IL15RA: variants seen among roughly 807,000 people sequenced by gnomAD.
IL15RA encodes the protein interleukin 15 receptor subunit alpha, also known as interleukin-15 receptor subunit alpha.
Under a neutral mutation model 24.2 loss-of-function variants are expected in IL15RA, and 26 were observed. The ratio of observed to expected loss-of-function variants is 1.07; its 90% confidence interval spans 0.79 to 1.49. The LOEUF (loss-of-function observed/expected upper bound fraction) is 1.49, where lower values mean the gene tolerates loss of function less well. Ranked by LOEUF, IL15RA falls within the 40% of genes most tolerant of loss-of-function variation. IL15RA has a pLI of 0.00. For missense variants in IL15RA, 354 were observed against 356.4 expected, an observed-to-expected ratio of 0.99 and a Z score of 0.05; for synonymous variants, 166 against 157.6, an observed-to-expected ratio of 1.05 and a Z score of -0.40.
rs1837534443 is a variant in IL15RA at position 5,971,089 on chromosome 10, T to C, written c.89-4750A>G. Among the ~76,000 whole-genome samples the C allele has an allele frequency of 6.6e-6, 1 of 152,234 alleles. No individual in the cohort carries two copies. The highest frequency in any genetic ancestry group is 2.4e-5 in the African/African-American group (1 of 41,462). On this transcript the variant is annotated intron_variant, in intron 1 of 6. Coordinates refer to ENST00000379977, the MANE Select transcript of IL15RA (RefSeq NM_002189.4). The surrounding 1 kb of genome is among the most constrained non-coding windows in gnomAD (Gnocchi z 5.5). ...AGATACTTGAATTATACTTTCTATA[T>C]ATTCTCTCATAACATTGTTCCCTAG...
chr10:5,960,305 AG>A lies in IL15RA; in HGVS notation c.583+61del. 2 of 1,436,616 alleles carry A rather than the reference AG, an allele frequency of 1.4e-6. No homozygotes were observed. The highest frequency in any genetic ancestry group is 2.0e-6 in the Non-Finnish European group (2 of 1,020,024). 89.0% of individuals were successfully genotyped at this position (1,436,616 alleles called of 1,614,324 possible). The stretch of plus-strand genomic sequence containing the variant: ...ATAAAGCTGCCTTGTGCCGGATCTC[AG>A]CCCCGATCTCAGAAGCAGCAATGGG... On this transcript the variant is annotated intron_variant, in intron 4 of 6. Coordinates refer to ENST00000379977, the MANE Select transcript of IL15RA (RefSeq NM_002189.4). This position sits in a 1 kb window ranked among gnomAD's most constrained non-coding sequence, Gnocchi z 5.1.
At chr10:5,954,304 A>G (rs185845097) in intron 6 of IL15RA, among the ~76,000 whole-genome samples, 4 of 151,824 alleles carry the variant, frequency 2.6e-5, no homozygotes, top group African/African-American at 9.7e-5. Flanking sequence ...TGTAGAGATC[A>G]GGTTTCACCA....
At chr10:5,951,783 C>T (rs553922878), downstream of IL15RA, among the ~76,000 whole-genome samples, 4 of 151,614 alleles carry the variant, frequency 2.6e-5, no homozygotes, top group South Asian at 8.4e-4. Flanking sequence ...TGAGATCTCG[C>T]CATTGCACTC....
rs1165832575 is a variant in IL15RA at position 5,961,246 on chromosome 10, A to G, written c.383-679T>C. ...CCCTGTTTCTACAAAAATAAGAATAACGATAAATTATCCAGGTGTGGTGGG... is the reference window on the plus strand; with the variant it reads ...CCCTGTTTCTACAAAAATAAGAATAGCGATAAATTATCCAGGTGTGGTGGG... On this transcript the variant is annotated intron_variant, in intron 3 of 6. Coordinates refer to ENST00000379977, the MANE Select transcript of IL15RA (RefSeq NM_002189.4). This position sits in a 1 kb window ranked among gnomAD's most constrained non-coding sequence, Gnocchi z 5.2. Among the ~76,000 whole-genome samples, 2 of 152,172 alleles carry G rather than the reference A, an allele frequency of 1.3e-5. No homozygotes were observed. The highest frequency in any genetic ancestry group is 2.9e-5 in the Non-Finnish European group (2 of 68,022).
Position 5,952,707 on chromosome 10 carries a change from T to G in IL15RA, c.*388A>C. On this transcript the variant is annotated 3_prime_UTR_variant, in exon 7 of 7. Coordinates refer to ENST00000379977, the MANE Select transcript of IL15RA (RefSeq NM_002189.4). Reference sequence around the variant, plus strand: ...CTTGTAATTGACAGAGAGCTTTGGGTATGTCACTTTTCTCTGTGAACTGAA... The same window carrying G: ...CTTGTAATTGACAGAGAGCTTTGGGGATGTCACTTTTCTCTGTGAACTGAA... 1 of 237,344 alleles carries G rather than the reference T, an allele frequency of 4.2e-6. No homozygotes were observed. Among genetic ancestry groups the G allele is most frequent in the African/African-American group, 2.3e-5 (1 of 43,830 alleles). The allele number at this position is 237,344 out of a possible 1,614,324, so 14.7% of individuals were successfully genotyped here.
downstream of IL15RA, among the ~76,000 whole-genome samples, chr10:5,952,046 T>A (rs1833912096): frequency 6.6e-6 from 1 of 152,096 alleles, no homozygotes; most frequent in South Asian, 2.1e-4. Context: ...CAATTTCTCA[T>A]CTATAAAATG....
chr10:5,949,300 T>C, downstream of IL15RA: 1 of 471,210 alleles, frequency 2.1e-6, no homozygotes, highest in Non-Finnish European at 4.4e-6. This position sits in a 1 kb window ranked among gnomAD's most constrained non-coding sequence, Gnocchi z 4.4. Context: ...TCATCCTGAA[T>C]AGCTAAGAAC....
Position 5,968,867 on chromosome 10 carries a change from A to G in IL15RA, c.89-2528T>C, listed in dbSNP as rs1293064557. The G allele has an allele frequency of 8.6e-7, 1 of 1,158,426 alleles. No individual in the cohort carries two copies. The highest frequency in any genetic ancestry group is 1.3e-5 in the South Asian group (1 of 76,446). The allele number at this position is 1,158,426 out of a possible 1,614,324, so 71.8% of individuals were successfully genotyped here. A position where few individuals can be genotyped will look rare whatever the true frequency, so the allele number is the denominator to read the frequency against. Reference sequence around the variant, plus strand: ...CGCAGGCCTCGTGTGTCTGGACCTCATGGTTGAAGCTTTCAGATATTCTGC... The same window carrying G: ...CGCAGGCCTCGTGTGTCTGGACCTCGTGGTTGAAGCTTTCAGATATTCTGC... On this transcript the variant is annotated intron_variant, in intron 1 of 6. Coordinates refer to ENST00000379977, the MANE Select transcript of IL15RA (RefSeq NM_002189.4). This position sits in a 1 kb window ranked among gnomAD's most constrained non-coding sequence, Gnocchi z 5.4.
At chr10:5,956,628 A>C (rs889061178) in intron 5 of IL15RA, among the ~76,000 whole-genome samples, 174 bp from the exon 6 acceptor site, 3 of 152,138 alleles carry the variant, frequency 2.0e-5, no homozygotes, top group African/African-American at 7.2e-5. Context: ...CTAGGCAAAA[A>C]CACATTCTCT....
chr10:5,951,374 A>T (rs1833867347), downstream of IL15RA, among the ~76,000 whole-genome samples: 1 of 152,084 alleles, frequency 6.6e-6, no homozygotes, highest in African/African-American at 2.4e-5. Context: ...AGAATGTCTG[A>T]TGACATGTGG....
chr10:5,954,290 T>G (rs1470603532), intron 6 of IL15RA, among the ~76,000 whole-genome samples: 1 of 151,886 alleles, frequency 6.6e-6, no homozygotes, highest in African/African-American at 2.4e-5. Flanking sequence ...CTTTTTGTAT[T>G]TTTTGTAGAG....
chr10:5,957,481 A>G (rs12256367), intron 5 of IL15RA, among the ~76,000 whole-genome samples: 88,300 of 150,952 alleles, frequency 0.58, 27,083 homozygotes, highest in African/African-American at 0.78. Flanking sequence ...TCACTATGTT[A>G]GGCAGGCTGG....
In IL15RA at chr10:5,971,466, C is replaced by G. The variant is rs1837594525; in HGVS notation, c.89-5127G>C. 1.3e-5 allele frequency among the ~76,000 whole-genome samples: 2 copies of G among 152,328 alleles called. No individual in the cohort carries two copies. The highest frequency in any genetic ancestry group is 4.1e-4 in the South Asian group (2 of 4,822). ...GTTTACAGAGTCTAATAAGAGCTGG[C>G]AGCCTCGGCCTGGTTCCATATCCAG... On this transcript the variant is annotated intron_variant, in intron 1 of 6. Transcript: ENST00000379977. This position sits in a 1 kb window ranked among gnomAD's most constrained non-coding sequence, Gnocchi z 5.5.
chr10:5,961,400 G>A lies in IL15RA; in HGVS notation c.383-833C>T, dbSNP rs1835495855. On this transcript the variant is annotated intron_variant, in intron 3 of 6. Coordinates refer to ENST00000379977, the MANE Select transcript of IL15RA (RefSeq NM_002189.4). The surrounding 1 kb of genome is among the most constrained non-coding windows in gnomAD (Gnocchi z 5.2). ...GCCTGGGGGACAGAGTGAGACCCCT[G>A]TCTCTTAAAAAAAAAGGTGGGGGGA... Among the ~76,000 whole-genome samples, 1 of 143,868 alleles carries A rather than the reference G, an allele frequency of 7.0e-6. No homozygotes were observed. Among genetic ancestry groups the A allele is most frequent in the African/African-American group, 2.5e-5 (1 of 39,722 alleles). The allele number at this position is 143,868 out of a possible 152,430, so 94.4% of individuals were successfully genotyped here. A position where few individuals can be genotyped will look rare whatever the true frequency, so the allele number is the denominator to read the frequency against.
rs927153713 is a variant in IL15RA, at chr10:5,958,285, A to G, written c.616+1469T>C. The G allele has an allele frequency of 6.6e-6, 3 of 454,100 alleles. No homozygotes were observed. Among genetic ancestry groups the G allele is most frequent in the Non-Finnish European group, 1.3e-5 (3 of 225,772 alleles). The allele number at this position is 454,100 out of a possible 1,614,324, so 28.1% of individuals were successfully genotyped here. The stretch of plus-strand genomic sequence containing the variant: ...AACTGTCCAGCATTCCTTATCCTCT[A>G]TATGTTTATTTATACAGTCTCTCTG... On this transcript the variant is annotated intron_variant, in intron 5 of 6. Coordinates refer to ENST00000379977, the MANE Select transcript of IL15RA (RefSeq NM_002189.4). The surrounding 1 kb of genome is among the most constrained non-coding windows in gnomAD (Gnocchi z 4.3).
chr10:5,962,296 A>G lies in IL15RA; in HGVS notation c.382+1447T>C, dbSNP rs919214263. On this transcript the variant is annotated intron_variant, in intron 3 of 6. Transcript: ENST00000379977. This position sits in a 1 kb window ranked among gnomAD's most constrained non-coding sequence, Gnocchi z 5.2. The stretch of plus-strand genomic sequence containing the variant: ...ATGCAGGCCTCAGCCTTGGCCACTT[A>G]AGAACCACCTGTGGGCTGGGTGCAG... 6.6e-6 allele frequency among the ~76,000 whole-genome samples: 1 copy of G among 152,154 alleles called. No homozygotes were observed. Among genetic ancestry groups the G allele is most frequent in the Non-Finnish European group, 1.5e-5 (1 of 68,018 alleles).
intron 1 of IL15RA, chr10:5,976,810 C>G (rs1838530193): frequency 6.6e-6 from 1 of 152,206 alleles, no homozygotes; most frequent in African/African-American, 2.4e-5. Flanking sequence ...CCATCCGGTC[C>G]CGACCGCCTC....
At chr10:5,978,482 C>A (rs1322842218), upstream of IL15RA, among the ~76,000 whole-genome samples, 1 of 152,210 alleles carries the variant, frequency 6.6e-6, no homozygotes, top group African/African-American at 2.4e-5. This position sits in a 1 kb window ranked among gnomAD's most constrained non-coding sequence, Gnocchi z 5.2. Context: ...GTTTATGAGG[C>A]TTTTGTGACA....
chr10:5,948,998 C>A, downstream of IL15RA: 3 of 303,066 alleles, frequency 9.9e-6, no homozygotes, highest in South Asian at 6.1e-5. Flanking sequence ...AGTATAAATG[C>A]ATATATATGT....
Sources: allele counts gnomAD v4.1 joint callset (sites outside exome capture counted in the v4.1 genomes callset), GRCh38; gene constraint gnomAD v4.1.1; non-coding constraint Gnocchi (gnomAD v3.1); transcripts MANE v1.5; gene names NCBI Gene and HGNC (gene_info 2026-07-23, HGNC 2026-07-21).